The following NAALAD2 variants were observed in gnomAD, a reference collection of about 807,000 sequenced individuals.
NAALAD2 encodes N-acetylated alpha-linked acidic dipeptidase 2.
Under a neutral mutation model 95.6 loss-of-function variants are expected in NAALAD2, and 89 were observed. The ratio of observed to expected loss-of-function variants is 0.93; its 90% CI spans 0.78 to 1.11. The LOEUF (loss-of-function observed/expected upper bound fraction) is 1.11. Among genes scored for constraint, NAALAD2 ranks in the 50% least tolerant of loss-of-function variants. The pLI is 0.00. For missense variants in NAALAD2, 894 were observed against 872.4 expected (o/e 1.02, Z -0.31); for synonymous variants, 264 against 294.4 (o/e 0.90, Z 1.06).
chr11:90,166,211 A>T (rs1952437262), intron 11 of NAALAD2, among the ~76,000 whole-genome samples: 1 of 152,186 alleles, frequency 6.6e-6, no homozygotes, highest in Non-Finnish European at 1.5e-5. Context: ...CTAACAAGCT[A>T]GAGAGAGCGG....
rs180839124 is a variant in NAALAD2 at position 90,139,388 on chromosome 11, G to C, written c.194+3718G>C. Among the ~76,000 whole-genome samples the C allele has an allele frequency of 3.6e-3, 543 of 152,222 alleles. 1 individual carries two copies. The highest frequency in any genetic ancestry group is 0.012 in the African/African-American group (511 of 41,530). On this transcript the variant is annotated intron_variant, in intron 2 of 18. Transcript: ENST00000534061. ...CTATCCCTTCCTGCCTTAAATCTCA[G>C]TGCTTACATCTCTTCCTTACTCATA...
intron 2 of NAALAD2, among the ~76,000 whole-genome samples, chr11:90,139,973 T>C (rs1951564227): frequency 6.6e-6 from 1 of 152,086 alleles, no homozygotes; most frequent in African/African-American, 2.4e-5. Context: ...TTTCTTATAA[T>C]GTATCATTAG....
At chr11:90,156,239 T>A (rs1016181666) in intron 6 of NAALAD2, among the ~76,000 whole-genome samples, 6 of 152,068 alleles carry the variant, frequency 3.9e-5, no homozygotes, top group African/African-American at 1.4e-4. Flanking sequence ...TTTTTTTAAA[T>A]TTAAATAGAG....
chr11:90,158,343 A>C, intron 7 of NAALAD2, 105 bp downstream of exon 7: 1 of 767,466 alleles, frequency 1.3e-6, no homozygotes, highest in East Asian at 2.5e-5. Flanking sequence ...AAAGTTTTAT[A>C]ACTAAATAAC....
intron 3 of NAALAD2, 108 bp downstream of exon 3, chr11:90,147,624 G>C (rs1590966076): frequency 7.1e-6 from 7 of 988,120 alleles, no homozygotes; most frequent in South Asian, 5.1e-5. Context: ...GAATTATTCA[G>C]TATCCACTAT....
intron 11 of NAALAD2, among the ~76,000 whole-genome samples, chr11:90,165,772 C>T (rs1013515223): frequency 7.9e-5 from 12 of 152,080 alleles, no homozygotes; most frequent in Admixed American, 7.9e-4. Flanking sequence ...AGGTCATTTG[C>T]TTTTAGAAAC....
rs1345736721 is a variant in NAALAD2, at chr11:90,173,874, G to A, written c.1461G>A (p.Trp487Ter). ...GFESKSLYES[W>*]LEKDPSPENK... ...AGAGTAAATCACTGTATGAAAGCTG[G>A]TTGGAAAAAGACCCTTCACCTGAAA... Residue 487 changes from tryptophan to a stop codon, truncating the protein, a stop_gained, in exon 14 of 19, where the codon TGG becomes TGA. Coordinates refer to ENST00000534061, the MANE Select transcript of NAALAD2 (RefSeq NM_005467.4). LOFTEE classifies it high-confidence loss of function. The A allele has an allele frequency of 6.2e-7, 1 of 1,612,754 alleles. No homozygotes were observed. The highest frequency in any genetic ancestry group is 1.7e-5 in the Admixed American group (1 of 59,886).
At chr11:90,149,804 T>G (rs1020839569) in intron 4 of NAALAD2, among the ~76,000 whole-genome samples, 2 of 152,186 alleles carry the variant, frequency 1.3e-5, no homozygotes, top group Admixed American at 6.5e-5. Flanking sequence ...GATTCATAGA[T>G]AGGATTTTAT....
intron 6 of NAALAD2, among the ~76,000 whole-genome samples, chr11:90,155,199 T>C (rs1221694920): frequency 7.8e-6 from 1 of 128,528 alleles, no homozygotes; most frequent in Non-Finnish European, 1.5e-5. Flanking sequence ...TATATGTGTG[T>C]ATATATTATA....
intron 13 of NAALAD2, 74 bp from the exon 14 acceptor site, chr11:90,173,745 CAAATA>C: frequency 1.1e-6 from 1 of 944,244 alleles, no homozygotes; most frequent in South Asian, 1.6e-5. Flanking sequence ...AAGTTGATGA[CAAATA>C]ATATATAGTT....
intron 8 of NAALAD2, among the ~76,000 whole-genome samples, chr11:90,161,947 A>G (rs1417022694): frequency 6.6e-6 from 1 of 151,378 alleles, no homozygotes; most frequent in African/African-American, 2.4e-5. Flanking sequence ...AACATCGATT[A>G]GTTTTCCTCT....
At chr11:90,156,274 C>G (rs1041396202) in intron 6 of NAALAD2, among the ~76,000 whole-genome samples, 7 of 152,034 alleles carry the variant, frequency 4.6e-5, no homozygotes, top group Non-Finnish European at 5.9e-5. Flanking sequence ...GCTACCCAGG[C>G]CAGTCTCAAA....
At chr11:90,134,882 A>ATTCT in intron 1 of NAALAD2, 42 bp downstream of exon 1, 1 of 1,600,614 alleles carries the variant, frequency 6.2e-7, no homozygotes, top group South Asian at 1.1e-5. Flanking sequence ...GGGGCTCGTG[A>ATTCT]TTCTCTGCAG....
At chr11:90,155,697 GT>G (rs1952086038) in intron 6 of NAALAD2, among the ~76,000 whole-genome samples, 1 of 108,622 alleles carries the variant, frequency 9.2e-6, no homozygotes, top group African/African-American at 4.4e-5. Flanking sequence ...ACATACATAT[GT>G]ATGTATTATT....
In NAALAD2 at chr11:90,178,087, C is replaced by T. The variant is rs748143835; in HGVS notation, c.1828C>T (p.Gln610Ter). 4 of 1,612,422 alleles carry T rather than the reference C, an allele frequency of 2.5e-6. No homozygotes were observed. Among genetic ancestry groups the T allele is most frequent in the African/African-American group, 2.7e-5 (2 of 74,760 alleles). ...CTATAATCTATCTAAGAAACATGAT[C>T]AACAATTGACAGACCATGGAGTATC... is the stretch of plus-strand genomic sequence containing the variant. ...SIYNLSKKHDQQLTDHGVSFD... is the reference protein window; with the variant it reads ...SIYNLSKKHD The change falls in exon 16 of 19, where the codon CAA (glutamine) becomes TAA (stop). Residue 610 changes from glutamine to a stop codon, truncating the protein, a stop_gained. Coordinates refer to ENST00000534061, the MANE Select transcript of NAALAD2 (RefSeq NM_005467.4). LOFTEE classifies it high-confidence loss of function.
chr11:90,148,623 T>A (rs1951809841), intron 3 of NAALAD2, among the ~76,000 whole-genome samples: 2 of 151,308 alleles, frequency 1.3e-5, no homozygotes, highest in Admixed American at 1.3e-4. Context: ...AGGGAGGGAG[T>A]ACAGAGGCAA....
At chr11:90,166,835 C>CAAA (rs1242969059) in intron 11 of NAALAD2, among the ~76,000 whole-genome samples, 1 of 64,720 alleles carries the variant, frequency 1.5e-5, no homozygotes, top group African/African-American at 6.4e-5. Flanking sequence ...ATTCTGTCTC[C>CAAA]AAAAAAAAAA....
chr11:90,166,353 T>C (rs1280434844), intron 11 of NAALAD2, among the ~76,000 whole-genome samples: 1 of 152,200 alleles, frequency 6.6e-6, no homozygotes, highest in Non-Finnish European at 1.5e-5. Context: ...CTTATTTTTG[T>C]CTTAATGTGT....
rs550681257 is a variant in NAALAD2, at chr11:90,175,940, G to GTGTGTA, written c.1503-27_1503-26insATGTGT. Reference sequence around the variant, plus strand: ...CATTTACTTGTTTATGTGTGTGTGTGTGTGTGTGTGTGGATTGCATTCTAC... The same window carrying GTGTGTA: ...CATTTACTTGTTTATGTGTGTGTGTGTGTGTATGTGTGTGTGTGGATTGCATTCTAC... On this transcript the variant is annotated intron_variant, in intron 14 of 18. Transcript: ENST00000534061. The GTGTGTA allele has an allele frequency of 3.6e-4, 459 of 1,262,522 alleles. 3 individuals are homozygous for GTGTGTA. The African/African-American group carries it at 6.1e-3, about 17-fold the overall frequency. 78.2% of individuals were successfully genotyped at this position (1,262,522 alleles called of 1,614,324 possible). A position where few individuals can be genotyped will look rare whatever the true frequency, so the allele number is the denominator to read the frequency against.
Sources: gnomAD v4.1 joint callset for allele counts (sites outside exome capture counted in the v4.1 genomes callset) on GRCh38, gnomAD v4.1.1 for gene constraint, MANE v1.5 for transcripts, NCBI Gene and HGNC (gene_info 2026-07-23, HGNC 2026-07-21) for gene names.